AUTS2: variants seen among roughly 807,000 people sequenced by gnomAD.
AUTS2 encodes autism susceptibility gene 2 protein.
AUTS2 carries 17 observed loss-of-function variants against 112.4 expected under a neutral mutation model. The observed-to-expected ratio is 0.15, with a 90% CI of 0.10 to 0.23. AUTS2 has a LOEUF of 0.23. Ranked by LOEUF, AUTS2 falls within the 10% of genes least tolerant of loss-of-function variation. The pLI is 1.00. For synonymous variants in AUTS2, 751 were observed against 702.7 expected (o/e 1.07, Z -1.09); for missense variants, 1,510 against 1,701.6 (o/e 0.89, Z 1.98).
At chr7:70,383,731 GC>G (rs758872651) in intron 4 of AUTS2, among the ~76,000 whole-genome samples, 6 of 152,196 alleles carry the variant, frequency 3.9e-5, no homozygotes, top group Non-Finnish European at 8.8e-5. Context: ...CATAAGACAA[GC>G]AAAAATAGGG....
chr7:69,672,201 A>G (rs1796364951), intron 1 of AUTS2, among the ~76,000 whole-genome samples: 1 of 152,056 alleles, frequency 6.6e-6, no homozygotes, highest in Non-Finnish European at 1.5e-5. Flanking sequence ...CTGAGATCAC[A>G]GGCATGCACC....
chr7:69,655,494 G>A (rs1795486201), intron 1 of AUTS2, among the ~76,000 whole-genome samples: 1 of 152,232 alleles, frequency 6.6e-6, no homozygotes, highest in Admixed American at 6.5e-5. Context: ...TTGCAGATTG[G>A]TGGGGCCCAC....
At chr7:69,772,867 A>G (rs992688120) in intron 1 of AUTS2, among the ~76,000 whole-genome samples, 1 of 152,238 alleles carries the variant, frequency 6.6e-6, no homozygotes, top group Non-Finnish European at 1.5e-5. Flanking sequence ...GAGTTTCTGA[A>G]TTTACAGCCT....
chr7:70,681,856 A>G (rs1392460527), intron 5 of AUTS2, among the ~76,000 whole-genome samples: 1 of 152,186 alleles, frequency 6.6e-6, no homozygotes, highest in Non-Finnish European at 1.5e-5. Context: ...GTCCCAGCAT[A>G]TTCGACCCCA....
chr7:70,121,682 A>T (rs1805689626), intron 3 of AUTS2, among the ~76,000 whole-genome samples: 1 of 152,194 alleles, frequency 6.6e-6, no homozygotes, highest in South Asian at 2.1e-4. Context: ...AAAAATAAGA[A>T]GTGTTGGCAA....
intron 2 of AUTS2, among the ~76,000 whole-genome samples, chr7:70,051,370 A>C (rs1341604655): frequency 6.6e-6 from 1 of 152,224 alleles, no homozygotes; most frequent in Non-Finnish European, 1.5e-5. Context: ...ATTAAGCCAC[A>C]GAAAGCAAAT....
At chr7:70,592,036 ATAG>A (rs886290297) in intron 5 of AUTS2, among the ~76,000 whole-genome samples, 1 of 152,230 alleles carries the variant, frequency 6.6e-6, no homozygotes, top group African/African-American at 2.4e-5. Flanking sequence ...CTCAATAGAA[ATAG>A]TAGTCTATAA....
intron 4 of AUTS2, chr7:70,194,962 G>A (rs1810096973): frequency 6.6e-6 from 1 of 152,154 alleles, no homozygotes; most frequent in South Asian, 2.1e-4. Flanking sequence ...CATTTCAGAA[G>A]TACCTATAAT....
At chr7:69,774,990 C>T (rs1584228009) in intron 1 of AUTS2, among the ~76,000 whole-genome samples, 1 of 152,092 alleles carries the variant, frequency 6.6e-6, no homozygotes, top group Non-Finnish European at 1.5e-5. Context: ...AACCAGATAA[C>T]TACTTGCAGA....
intron 1 of AUTS2, among the ~76,000 whole-genome samples, chr7:69,620,564 G>T (rs758354085): frequency 6.6e-6 from 1 of 152,156 alleles, no homozygotes; most frequent in Non-Finnish European, 1.5e-5. Context: ...TTCCTTTCTG[G>T]ATTACCATCT....
At chr7:70,086,344 A>G (rs908038177) in intron 2 of AUTS2, among the ~76,000 whole-genome samples, 5 of 152,130 alleles carry the variant, frequency 3.3e-5, no homozygotes, top group African/African-American at 1.2e-4. Context: ...AACTTCTCTC[A>G]GAAAAGTTCT....
At chr7:69,692,836 G>GT (rs1797405493) in intron 1 of AUTS2, among the ~76,000 whole-genome samples, 1 of 152,184 alleles carries the variant, frequency 6.6e-6, no homozygotes, top group Non-Finnish European at 1.5e-5. Flanking sequence ...ATTTTAGCCT[G>GT]TTTTTCAGGT....
intron 1 of AUTS2, among the ~76,000 whole-genome samples, chr7:69,778,058 T>C (rs141428012): frequency 6.6e-6 from 1 of 152,258 alleles, no homozygotes; most frequent in African/African-American, 2.4e-5. Context: ...GTTCTTGACT[T>C]TGAGAACCTT....
intron 4 of AUTS2, among the ~76,000 whole-genome samples, chr7:70,383,166 T>A (rs1485996717): frequency 1.3e-5 from 2 of 152,176 alleles, no homozygotes; most frequent in East Asian, 3.9e-4. Flanking sequence ...ATTTTTTTTT[T>A]TAGCTTGTGT....
chr7:69,742,988 T>C (rs1477788277), intron 1 of AUTS2, among the ~76,000 whole-genome samples: 1 of 152,218 alleles, frequency 6.6e-6, no homozygotes, highest in Non-Finnish European at 1.5e-5. Context: ...CTTTCTACTC[T>C]ACTGATGGGG....
chr7:70,487,735 G>A (rs1233536794), intron 5 of AUTS2, among the ~76,000 whole-genome samples: 9 of 152,192 alleles, frequency 5.9e-5, no homozygotes, highest in South Asian at 2.1e-4. Context: ...CTGACAAGCC[G>A]TGAGGAGCGA....
intron 4 of AUTS2, among the ~76,000 whole-genome samples, chr7:70,313,454 T>G (rs1277426929): frequency 6.6e-6 from 1 of 152,218 alleles, no homozygotes; most frequent in Non-Finnish European, 1.5e-5. Context: ...CGGAACCCTG[T>G]TGTTCTAACA....
rs1791900750 is a variant in AUTS2 at position 70,790,857 on chromosome 7, C to T, written c.3641C>T (p.Thr1214Ile). ...QNGLLNKTPPTAALSAPPPLI... is the reference protein window; with the variant it reads ...QNGLLNKTPPIAALSAPPPLI... ...GGACTCCTCAACAAGACCCCTCCGA[C>T]AGCAGCGCTGAGCGCACCTCCCCCG... The change falls in exon 19 of 19, where the codon ACA (threonine) becomes ATA (isoleucine). Residue 1214 changes from threonine (T) to isoleucine (I), a missense_variant. By Grantham distance (89) the Thr-to-Ile change is moderately conservative. This residue lies in a region of AUTS2 where 788 missense variants were observed against 797.6 expected (regional missense o/e 0.99). Coordinates refer to ENST00000342771, the MANE Select transcript of AUTS2 (RefSeq NM_015570.4). The surrounding 1 kb of genome is among the most constrained non-coding windows in gnomAD (Gnocchi z 7.6). The T allele has an allele frequency of 6.2e-7, 1 of 1,606,938 alleles. No homozygotes were observed. Among genetic ancestry groups the T allele is most frequent in the Non-Finnish European group, 8.5e-7 (1 of 1,176,392 alleles).
chr7:69,881,409 T>C (rs1006094868), intron 1 of AUTS2, among the ~76,000 whole-genome samples: 10 of 152,204 alleles, frequency 6.6e-5, no homozygotes, highest in Admixed American at 2.6e-4. Flanking sequence ...GCAGGAGGCC[T>C]TGTAGGTAAT....
Sources: gnomAD v4.1 joint callset for allele counts (sites outside exome capture counted in the v4.1 genomes callset) on GRCh38, gnomAD v4.1.1 for gene constraint, gnomAD v4.1.1 regional missense constraint, Gnocchi (gnomAD v3.1) non-coding constraint, MANE v1.5 for transcripts, NCBI Gene and HGNC (gene_info 2026-07-23, HGNC 2026-07-21) for gene names.